The following UGT1A10 variants were observed in gnomAD, a reference collection of about 807,000 sequenced individuals.
UGT1A10 encodes the protein UDP glucuronosyltransferase family 1 member A10, also known as UDP-glucuronosyltransferase 1A10.
Under a neutral mutation model 45.8 loss-of-function variants are expected in UGT1A10, and 49 were observed. The ratio of observed to expected loss-of-function variants is 1.07; its 90% CI spans 0.85 to 1.36. The LOEUF (loss-of-function observed/expected upper bound fraction) is 1.36, where lower values mean the gene tolerates loss of function less well. Ranked by LOEUF, UGT1A10 falls within the 40% of genes most tolerant of loss-of-function variation. UGT1A10 has a pLI of 0.00. For missense variants in UGT1A10, 745 were observed against 668.6 expected, an observed-to-expected ratio of 1.11 and a Z score of -1.26; for synonymous variants, 284 against 249.7, an observed-to-expected ratio of 1.14 and a Z score of -1.29.
chr2:233,682,057 C>T (rs1307125349), intron 1 of UGT1A10: 2 of 1,614,088 alleles, frequency 1.2e-6, no homozygotes, highest in East Asian at 2.2e-5. Flanking sequence ...ACTGGTTCAC[C>T]ATGCAGTCGG....
At chr2:233,642,485 C>T (rs1301559963) in intron 1 of UGT1A10, among the ~76,000 whole-genome samples, 2 of 152,128 alleles carry the variant, frequency 1.3e-5, no homozygotes, top group African/African-American at 2.4e-5. Context: ...TCTGAAAGGT[C>T]GCTTATATCT....
At chr2:233,745,976 A>AC in intron 1 of UGT1A10, among the ~76,000 whole-genome samples, 1 of 151,654 alleles carries the variant, frequency 6.6e-6, no homozygotes, top group Middle Eastern at 3.2e-3. Flanking sequence ...CTGAAATGGG[A>AC]CCATGACAGC....
intron 1 of UGT1A10, among the ~76,000 whole-genome samples, chr2:233,737,451 G>T (rs1349834753): frequency 6.6e-6 from 1 of 152,156 alleles, no homozygotes. Context: ...GTTTTTCCAG[G>T]TACAGTCTGT....
chr2:233,755,387 G>A lies in UGT1A10; in HGVS notation c.856-11647G>A, dbSNP rs28900392. On this transcript the variant is annotated intron_variant, in intron 1 of 4. Transcript: ENST00000344644. Reference sequence around the variant, plus strand: ...CGCCTGGAGGGCCGCCCCTTATGACGCAGCCACATCTCATTGGCCGAGGCC... The same window carrying A: ...CGCCTGGAGGGCCGCCCCTTATGACACAGCCACATCTCATTGGCCGAGGCC... 908 of 345,012 alleles carry A rather than the reference G, an allele frequency of 2.6e-3. 4 individuals are homozygous for A. Among genetic ancestry groups the A allele is most frequent in the African/African-American group, 0.018 (852 of 46,552 alleles). The allele number at this position is 345,012 out of a possible 1,614,324, so 21.4% of individuals were successfully genotyped here.
chr2:233,645,606 C>A (rs527936738), intron 1 of UGT1A10, among the ~76,000 whole-genome samples: 1 of 152,338 alleles, frequency 6.6e-6, no homozygotes, highest in Non-Finnish European at 1.5e-5. Context: ...AGGCCCCATG[C>A]ATGTCAGAAA....
intron 1 of UGT1A10, chr2:233,721,988 G>A (rs1184404507): frequency 1.1e-5 from 3 of 269,960 alleles, no homozygotes; most frequent in African/African-American, 2.2e-5. Context: ...GTAGTTTCAC[G>A]AATGTCCTTT....
chr2:233,681,881 T>G lies in UGT1A10; in HGVS notation c.855+44504T>G, dbSNP rs7586110. The G allele has an allele frequency of 0.38, 582,213 of 1,551,906 alleles. 111,779 individuals are homozygous for G. Among genetic ancestry groups the G allele is most frequent in the South Asian group, 0.41 (33,277 of 80,266 alleles). ...CAGGTTCTATCTGTACTTCTTCCAC[T>G]TACTATATTATAGGAGCTTAGAATC... On this transcript the variant is annotated intron_variant, in intron 1 of 4. Coordinates refer to ENST00000344644, the MANE Select transcript of UGT1A10 (RefSeq NM_019075.4).
intron 1 of UGT1A10, chr2:233,647,933 T>A: frequency 1.2e-6 from 2 of 1,604,578 alleles, no homozygotes; most frequent in Non-Finnish European, 1.7e-6. Flanking sequence ...TCACTGCCCA[T>A]GGATGGGAGC....
chr2:233,744,436 C>T (rs183534266), intron 1 of UGT1A10, among the ~76,000 whole-genome samples: 4 of 151,808 alleles, frequency 2.6e-5, no homozygotes, highest in African/African-American at 2.4e-5. Flanking sequence ...ATCTATCATA[C>T]GTACTGCATT....
At chr2:233,729,547 C>T in intron 1 of UGT1A10, 2 of 1,614,168 alleles carry the variant, frequency 1.2e-6, no homozygotes, top group Non-Finnish European at 1.7e-6. Context: ...GATCAGGCAC[C>T]TGAATGCTAC....
chr2:233,730,084 A>C (rs962499834), intron 1 of UGT1A10: 1 of 1,601,106 alleles, frequency 6.2e-7, no homozygotes, highest in Admixed American at 1.7e-5. Context: ...ATATTTACTT[A>C]TCTTTCCAAA....
At chr2:233,735,563 C>T (rs530958068) in intron 1 of UGT1A10, among the ~76,000 whole-genome samples, 4 of 152,230 alleles carry the variant, frequency 2.6e-5, no homozygotes, top group East Asian at 1.9e-4. Flanking sequence ...ATGGTGTTAT[C>T]GGGTTATTTT....
intron 1 of UGT1A10, among the ~76,000 whole-genome samples, chr2:233,734,101 T>TATAATA (rs549143261): frequency 6.3e-4 from 96 of 151,394 alleles, no homozygotes; most frequent in African/African-American, 1.8e-3. Flanking sequence ...AAACTTAAAG[T>TATAATA]ATAATAATAA....
chr2:233,723,612 A>G (rs2077104737), intron 1 of UGT1A10, among the ~76,000 whole-genome samples: 1 of 100,308 alleles, frequency 1.0e-5, no homozygotes, highest in Admixed American at 1.1e-4. Context: ...ACAATAGTGG[A>G]GGGAAGGTCA....
intron 1 of UGT1A10, among the ~76,000 whole-genome samples, chr2:233,688,558 T>G (rs147203988): frequency 7.5e-4 from 114 of 152,300 alleles, no homozygotes; most frequent in African/African-American, 2.6e-3. Context: ...CTCTAATCCC[T>G]CAGCAAACAT....
chr2:233,691,450 C>T, intron 1 of UGT1A10: 2 of 985,704 alleles, frequency 2.0e-6, no homozygotes, highest in Non-Finnish European at 2.4e-6. Flanking sequence ...TTCTCCCTTC[C>T]TGGGCCCCAG....
intron 1 of UGT1A10, among the ~76,000 whole-genome samples, chr2:233,758,654 A>G (rs1263947791): frequency 6.6e-6 from 1 of 152,140 alleles, no homozygotes; most frequent in Non-Finnish European, 1.5e-5. Flanking sequence ...ATGAGAGGGT[A>G]CCCTAATTAC....
chr2:233,730,275 C>T (rs2078008384), intron 1 of UGT1A10, among the ~76,000 whole-genome samples: 1 of 152,142 alleles, frequency 6.6e-6, no homozygotes, highest in Admixed American at 6.5e-5. Flanking sequence ...TTTGTAAAGG[C>T]ACCATCTTCA....
At chr2:233,692,597 A>T (rs1335313485) in intron 1 of UGT1A10, among the ~76,000 whole-genome samples, 3 of 152,220 alleles carry the variant, frequency 2.0e-5, no homozygotes, top group African/African-American at 7.2e-5. Context: ...TCCGTGTGCA[A>T]GAAAAATTCC....
Sources: allele counts gnomAD v4.1 joint callset (sites outside exome capture counted in the v4.1 genomes callset), GRCh38; gene constraint gnomAD v4.1.1; transcripts MANE v1.5; gene names NCBI Gene and HGNC (gene_info 2026-07-23, HGNC 2026-07-21).